AMPD3: variants seen among roughly 807,000 people sequenced by gnomAD.
AMPD3 encodes the protein AMP deaminase 3.
AMPD3 carries 57 observed loss-of-function variants against 82.3 expected under a neutral mutation model. The observed-to-expected ratio is 0.69, with a 90% CI of 0.56 to 0.86. The LOEUF is 0.86. Ranked by LOEUF, AMPD3 falls within the 40% of genes least tolerant of loss-of-function variation. AMPD3 has a pLI of 0.00. For missense variants in AMPD3, 870 were observed against 1,003.8 expected (o/e 0.87, Z 1.80); for synonymous variants, 381 against 394.7 (o/e 0.97, Z 0.41).
At chr11:10,505,639 G>C in intron 14 of AMPD3, 69 bp from the exon 15 acceptor site, 9 of 1,584,910 alleles carry the variant, frequency 5.7e-6, no homozygotes, top group Non-Finnish European at 7.7e-6. Context: ...TGATGTCAAA[G>C]CTGCCCACAT....
In AMPD3 at chr11:10,505,921, A is replaced by C; in HGVS notation, c.*37A>C. ...GACATGCATTTTAACTTTTTGGTTC[A>C]ATTTCAAGTCTGCTGTGGCTAATAG... On this transcript the variant is annotated 3_prime_UTR_variant, in exon 15 of 15. Coordinates refer to ENST00000396553, the MANE Select transcript of AMPD3 (RefSeq NM_001025389.2). 6.2e-7 allele frequency: 1 copy of C among 1,611,816 alleles called. No homozygotes were observed. Among genetic ancestry groups the C allele is most frequent in the Non-Finnish European group, 8.5e-7 (1 of 1,178,666 alleles).
At chr11:10,466,585 CCTGGGGGAAGGGGCAG>C (rs1435949915) in intron 2 of AMPD3, among the ~76,000 whole-genome samples, 15 of 152,320 alleles carry the variant, frequency 9.8e-5, no homozygotes, top group Admixed American at 9.1e-4. Context: ...GGACAGAGCA[CCTGGGGGAAGGGGCAG>C]CTGTGGGCAC....
intron 5 of AMPD3, among the ~76,000 whole-genome samples, chr11:10,485,752 A>C (rs1351196399): frequency 1.3e-5 from 2 of 151,838 alleles, no homozygotes; most frequent in East Asian, 3.9e-4. Context: ...GCATGCAGGG[A>C]GCCTGGGGAA....
chr11:10,481,997 T>C (rs1848921330), intron 3 of AMPD3, 66 bp from the exon 4 acceptor site: 3 of 1,606,548 alleles, frequency 1.9e-6, no homozygotes, highest in African/African-American at 1.3e-5. Flanking sequence ...TGCAAGCACA[T>C]CTTTCCAAGG....
intron 4 of AMPD3, chr11:10,484,192 T>A: frequency 1.0e-6 from 1 of 963,606 alleles, no homozygotes; most frequent in Non-Finnish European, 1.2e-6. Flanking sequence ...GCAGGGAAAT[T>A]GCATAGAGGA....
chr11:10,481,949 G>A, intron 3 of AMPD3, 114 bp from the exon 4 acceptor site: 2 of 1,333,662 alleles, frequency 1.5e-6, no homozygotes, highest in Non-Finnish European at 2.2e-6. Context: ...GAACCCTCCT[G>A]AAATCTAGGT....
At chr11:10,504,469 T>C in intron 13 of AMPD3, 80 bp from the exon 14 acceptor site, 1 of 1,382,234 alleles carries the variant, frequency 7.2e-7, no homozygotes, top group Non-Finnish European at 1.0e-6. Context: ...CAGTGTCTGA[T>C]GTTGTTAGCT....
chr11:10,495,231 A>T, intron 8 of AMPD3: 1 of 985,390 alleles, frequency 1.0e-6, no homozygotes, highest in African/African-American at 1.7e-5. Context: ...ACTGCAGGAA[A>T]GAGGAGGGAA....
chr11:10,496,065 C>T (rs1034657209), intron 9 of AMPD3: 4 of 271,924 alleles, frequency 1.5e-5, no homozygotes, highest in African/African-American at 2.3e-5. Context: ...TACAGGCACC[C>T]GCCACCACGT....
chr11:10,452,963 T>C (rs1265914719), upstream of AMPD3, among the ~76,000 whole-genome samples: 1 of 152,178 alleles, frequency 6.6e-6, no homozygotes, highest in Non-Finnish European at 1.5e-5. Flanking sequence ...GTTGTTTGTT[T>C]GTTTGAAATG....
upstream of AMPD3, among the ~76,000 whole-genome samples, chr11:10,452,145 G>C (rs946851361): frequency 3.4e-4 from 51 of 152,070 alleles, no homozygotes; most frequent in Non-Finnish European, 6.3e-4. Flanking sequence ...CTCTCAGCTA[G>C]GTCAAGAAGC....
chr11:10,450,743 C>T, upstream of AMPD3: 1 of 1,140,798 alleles, frequency 8.8e-7, no homozygotes, highest in South Asian at 4.4e-5. Context: ...TCTCGGCTCT[C>T]TCTGCTCCGC....
chr11:10,484,195 A>G, intron 4 of AMPD3: 1 of 962,404 alleles, frequency 1.0e-6, no homozygotes, highest in Non-Finnish European at 1.2e-6. Context: ...GGGAAATTGC[A>G]TAGAGGAGTT....
intron 4 of AMPD3, chr11:10,484,332 G>A: frequency 1.0e-6 from 1 of 985,354 alleles, no homozygotes; most frequent in South Asian, 4.7e-5. Context: ...GGAGGGAGTG[G>A]CTTCTTTATC....
rs760583892 is a variant in AMPD3 at position 10,487,369 on chromosome 11, G to A, written c.939+5G>A. On this transcript the variant is annotated splice_donor_5th_base_variant and intron_variant, in intron 6 of 14. Transcript: ENST00000396553. The stretch of plus-strand genomic sequence containing the variant: ...GACTTCTATAACGTGAGAAAGGTGC[G>A]TTAGGGGCGAGTGTTCACAGCTGCC... 19 of 1,613,786 alleles carry A rather than the reference G, an allele frequency of 1.2e-5. No individual in the cohort carries two copies. Among genetic ancestry groups the A allele is most frequent in the South Asian group, 6.6e-5 (6 of 91,062 alleles).
At chr11:10,485,129 G>A (rs1188748163) in intron 5 of AMPD3, 90 bp downstream of exon 5, 4 of 1,262,538 alleles carry the variant, frequency 3.2e-6, no homozygotes, top group Admixed American at 2.0e-5. Flanking sequence ...CTGCCCTGGG[G>A]TCCCCTGTAC....
At chr11:10,500,939 T>C in intron 11 of AMPD3, 2 of 985,246 alleles carry the variant, frequency 2.0e-6, no homozygotes, top group Non-Finnish European at 2.4e-6. Context: ...CTGGTGCTAG[T>C]TGGTGGGTGT....
At chr11:10,494,182 C>T (rs1849323013) in intron 7 of AMPD3, among the ~76,000 whole-genome samples, 1 of 152,174 alleles carries the variant, frequency 6.6e-6, no homozygotes, top group Non-Finnish European at 1.5e-5. Flanking sequence ...CATGCAACAA[C>T]CATGAATGGA....
At chr11:10,468,334 A>T (rs7951269) in intron 2 of AMPD3, among the ~76,000 whole-genome samples, 144 of 126,618 alleles carry the variant, frequency 1.1e-3, no homozygotes, top group African/African-American at 3.4e-3. Context: ...TTTACCAAGC[A>T]AATGGAAAGA....
Sources: allele counts gnomAD v4.1 joint callset (sites outside exome capture counted in the v4.1 genomes callset), GRCh38; gene constraint gnomAD v4.1.1; transcripts MANE v1.5; gene names NCBI Gene and HGNC (gene_info 2026-07-23, HGNC 2026-07-21).